Variants in GUSB observed in about 807,000 individuals in gnomAD.
GUSB encodes the protein beta-glucuronidase.
Under a neutral mutation model 74.6 loss-of-function variants are expected in GUSB, and 51 were observed. The ratio of observed to expected loss-of-function variants is 0.68; its 90% CI spans 0.55 to 0.86. GUSB has a LOEUF of 0.86. Among genes scored for constraint, GUSB ranks in the 40% least tolerant of loss-of-function variants. The pLI is 0.00. For synonymous variants in GUSB, 360 were observed against 348.3 expected (o/e 1.03, Z -0.37); for missense variants, 736 against 853.7 (o/e 0.86, Z 1.72).
In GUSB at chr7:65,980,437, C is replaced by T. The variant is rs201555734; in HGVS notation, c.211-28G>A. ...GTGGAGAGAAGAGCCGGGCTCAGCT[C>T]CTAGGCCCCCAAAAGGGTCCAGGAC... On this transcript the variant is annotated intron_variant, in intron 1 of 11. Coordinates refer to ENST00000304895, the MANE Select transcript of GUSB (RefSeq NM_000181.4). 4.8e-4 allele frequency: 776 copies of T among 1,602,104 alleles called. 2 individuals carry two copies. The African/African-American group carries it at 8.1e-3, about 17-fold the overall frequency.
At chr7:65,964,620 T>C (rs989644619) in intron 10 of GUSB, among the ~76,000 whole-genome samples, 162 bp from the exon 11 acceptor site, 28 of 151,880 alleles carry the variant, frequency 1.8e-4, no homozygotes, top group Admixed American at 7.2e-4. Context: ...AGCCAGGGAA[T>C]GATGTAACCC....
chr7:65,965,555 G>A (rs915094903), intron 10 of GUSB, among the ~76,000 whole-genome samples: 2 of 151,928 alleles, frequency 1.3e-5, no homozygotes, highest in African/African-American at 4.8e-5. Context: ...TTTGAAACAA[G>A]GTCTCACTCT....
chr7:65,961,811 G>A (rs1790515760), intron 11 of GUSB, among the ~76,000 whole-genome samples: 1 of 152,196 alleles, frequency 6.6e-6, no homozygotes, highest in Non-Finnish European at 1.5e-5. Flanking sequence ...AGACCAGCCT[G>A]GACAATATGG....
intron 4 of GUSB, among the ~76,000 whole-genome samples, chr7:65,976,939 A>AC (rs1015359421): frequency 1.3e-5 from 2 of 151,892 alleles, no homozygotes; most frequent in African/African-American, 4.8e-5. Flanking sequence ...TGTCCCTCAG[A>AC]CATGCCAACC....
intron 11 of GUSB, among the ~76,000 whole-genome samples, chr7:65,962,560 C>G (rs987695580): frequency 6.6e-6 from 1 of 152,110 alleles, no homozygotes; most frequent in African/African-American, 2.4e-5. Flanking sequence ...TGATGCAGCT[C>G]ATTTCTTTTT....
intron 10 of GUSB, among the ~76,000 whole-genome samples, chr7:65,965,326 C>A (rs1562672161): frequency 6.6e-6 from 1 of 151,416 alleles, no homozygotes; most frequent in South Asian, 2.1e-4. Context: ...ATCGCTTGAG[C>A]CCAGGAGGTT....
chr7:65,979,962 G>A (rs1189930364), intron 2 of GUSB, 51 bp from the exon 3 acceptor site: 3 of 1,445,058 alleles, frequency 2.1e-6, no homozygotes, highest in South Asian at 1.2e-5. Context: ...GGCATGAGGA[G>A]GCGCCCTACT....
At chr7:65,962,479 C>T (rs1013653693) in intron 11 of GUSB, among the ~76,000 whole-genome samples, 14 of 152,216 alleles carry the variant, frequency 9.2e-5, no homozygotes, top group African/African-American at 2.4e-4. Flanking sequence ...GCAGCCCTTA[C>T]GACACCAACA....
At chr7:65,980,855 G>A (rs1721473789) in intron 1 of GUSB, 1 of 251,366 alleles carries the variant, frequency 4.0e-6, no homozygotes, top group South Asian at 4.7e-5. Flanking sequence ...AGAATAAGAG[G>A]ATGTAGACCA....
chr7:65,968,021 T>TG, intron 9 of GUSB, 114 bp from the exon 10 acceptor site: 2 of 854,476 alleles, frequency 2.3e-6, no homozygotes, highest in Non-Finnish European at 3.8e-6. Flanking sequence ...ATCCCAGCAC[T>TG]CTGGGAGGCT....
intron 4 of GUSB, among the ~76,000 whole-genome samples, chr7:65,977,811 T>C (rs889441972): frequency 1.3e-5 from 2 of 151,750 alleles, no homozygotes; most frequent in Non-Finnish European, 2.9e-5. Context: ...TATATATATT[T>C]TTTTATTTTT....
In GUSB at chr7:65,982,080, G is replaced by A; in HGVS notation, c.104C>T (p.Ser35Leu). The A allele has an allele frequency of 6.2e-7, 1 of 1,607,408 alleles. No individual in the cohort carries two copies. The change falls in exon 1 of 12, where the codon TCG (serine) becomes TTG (leucine). Residue 35 changes from serine (S) to leucine (L), a missense_variant. Physicochemically the swap from Ser to Leu is moderately radical, Grantham distance 145. Around this residue, in one of 2 missense-constraint regions of GUSB, gnomAD observed 368 missense variants for 363.8 expected, o/e 1.01. Coordinates refer to ENST00000304895, the MANE Select transcript of GUSB (RefSeq NM_000181.4). ...GCCGTCCAGCTCCTTGCACTCCCGC[G>A]ACGGGCTCTCCTGGGGGTACAGCAT... is the stretch of plus-strand genomic sequence containing the variant. ...GGMLYPQESP[S>L]RECKELDGLW...
At chr7:65,967,131 G>GT (rs768188476) in intron 10 of GUSB, among the ~76,000 whole-genome samples, 24 of 152,062 alleles carry the variant, frequency 1.6e-4, no homozygotes, top group Non-Finnish European at 2.9e-4. Context: ...GCTTTGTCCT[G>GT]TGGGCCTGGG....
intron 4 of GUSB, among the ~76,000 whole-genome samples, chr7:65,977,761 G>A (rs1791680008): frequency 6.6e-6 from 1 of 151,394 alleles, no homozygotes; most frequent in Non-Finnish European, 1.5e-5. Context: ...CTCCAGCCTG[G>A]GCCACAGTGC....
intron 10 of GUSB, among the ~76,000 whole-genome samples, chr7:65,964,660 AC>A (rs1169425212): frequency 2.6e-5 from 4 of 152,148 alleles, no homozygotes; most frequent in Admixed American, 2.0e-4. Context: ...AAAAAAAAAA[AC>A]AACCTTAATG....
At chr7:65,974,197 G>T in intron 8 of GUSB, 98 bp downstream of exon 8, 1 of 1,166,304 alleles carries the variant, frequency 8.6e-7, no homozygotes, top group Non-Finnish European at 1.3e-6. Flanking sequence ...CATTGGGCTG[G>T]ACACGAGGCC....
At position 65,960,871 on chromosome 7, in the gene GUSB, G is replaced by A. The variant is rs1790437138; in HGVS notation, c.*26C>T. 6.2e-7 allele frequency: 1 copy of A among 1,605,788 alleles called. No individual in the cohort carries two copies. The highest frequency in any genetic ancestry group is 8.5e-7 in the Non-Finnish European group (1 of 1,172,586). On this transcript the variant is annotated 3_prime_UTR_variant, in exon 12 of 12. Transcript: ENST00000304895. ...AAGTCGCCCTGACTCGGGGAGGAAGGGACACGCAGGTGGTATCAGTCTTGC... is the reference window on the plus strand; with the variant it reads ...AAGTCGCCCTGACTCGGGGAGGAAGAGACACGCAGGTGGTATCAGTCTTGC...
chr7:65,979,490 G>A lies in GUSB; in HGVS notation c.633C>T (p.Tyr211=), dbSNP rs140278510. Residue 211 remains tyrosine (Y), a synonymous_variant, in exon 4 of 12, where the codon TAC becomes TAT. Transcript: ENST00000304895. ...VQNTYFDFFN[Y]AGLQRSVLLY... is the part of the protein sequence containing the mutation. ...GAAGTACAGACCGCTGCAGTCCAGC[G>A]TAGTTGAAAAAGTCAAAATATGTGT... The A allele has an allele frequency of 6.1e-5, 98 of 1,613,822 alleles. 2 individuals carry two copies. The highest frequency in any genetic ancestry group is 4.5e-4 in the South Asian group (41 of 91,076).
intron 10 of GUSB, among the ~76,000 whole-genome samples, chr7:65,965,276 C>CA (rs1290090174): frequency 1.3e-5 from 2 of 151,618 alleles, no homozygotes; most frequent in African/African-American, 4.8e-5. Context: ...TGTGGTGGCG[C>CA]ACGCCTGCAG....
Sources: allele counts gnomAD v4.1 joint callset (sites outside exome capture counted in the v4.1 genomes callset), GRCh38; gene constraint gnomAD v4.1.1; regional missense constraint gnomAD v4.1.1; transcripts MANE v1.5; gene names NCBI Gene and HGNC (gene_info 2026-07-23, HGNC 2026-07-21).